SLC45A3: variants seen among roughly 807,000 people sequenced by gnomAD.
SLC45A3 encodes the protein prostate cancer associated protein 2.
SLC45A3 carries 17 observed loss-of-function variants against 35.3 expected under a neutral mutation model. The observed-to-expected ratio is 0.48, with a 90% confidence interval of 0.33 to 0.72. The LOEUF (loss-of-function observed/expected upper bound fraction) is 0.72. Ranked by LOEUF, SLC45A3 falls within the 30% of genes least tolerant of loss-of-function variation. SLC45A3 has a pLI of 0.02. For synonymous variants in SLC45A3, 288 were observed against 334.3 expected (o/e 0.86, Z 1.51); for missense variants, 597 against 731.7 (o/e 0.82, Z 2.12).
chr1:205,659,054 A>G lies in SLC45A3; in HGVS notation c.*180T>C, dbSNP rs994813152. ...TAGAGACTGGGGAGAGAGGAGAGGG[A>G]CGCCCCAGCCCCCAGCTGTGCAGCT... is the stretch of plus-strand genomic sequence containing the variant. On this transcript the variant is annotated 3_prime_UTR_variant, in exon 5 of 5. Transcript: ENST00000367145. This position sits in a 1 kb window ranked among gnomAD's most constrained non-coding sequence, Gnocchi z 5.8. The G allele has an allele frequency of 3.7e-5, 24 of 643,794 alleles. No homozygotes were observed. The highest frequency in any genetic ancestry group is 6.0e-5 in the Admixed American group (2 of 33,218). The allele number at this position is 643,794 out of a possible 1,614,324, so 39.9% of individuals were successfully genotyped here.
Position 205,666,569 on chromosome 1 carries a change from G to A in SLC45A3, c.-230-1683C>T, listed in dbSNP as rs1162612252. 6.6e-6 allele frequency among the ~76,000 whole-genome samples: 1 copy of A among 152,180 alleles called. No individual in the cohort carries two copies. The highest frequency in any genetic ancestry group is 1.5e-5 in the Non-Finnish European group (1 of 68,034). The stretch of plus-strand genomic sequence containing the variant: ...TGTTCACTCCACCACCACCTTCAGG[G>A]GCTTTGCAGCTGGCAGATCATGAAG... On this transcript the variant is annotated intron_variant, in intron 1 of 4. Coordinates refer to ENST00000367145, the MANE Select transcript of SLC45A3 (RefSeq NM_033102.3). This position sits in a 1 kb window ranked among gnomAD's most constrained non-coding sequence, Gnocchi z 4.1.
At chr1:205,667,438 C>T (rs749203478) in intron 1 of SLC45A3, among the ~76,000 whole-genome samples, 3 of 151,890 alleles carry the variant, frequency 2.0e-5, no homozygotes, top group South Asian at 2.1e-4. Flanking sequence ...ACCTGGGAGG[C>T]GGAGGTTGCA....
Position 205,666,919 on chromosome 1 carries a change from C to T in SLC45A3, c.-230-2033G>A, listed in dbSNP as rs1022228033. The stretch of plus-strand genomic sequence containing the variant: ...GCGGCCAAAGGCTTCCAGCCCATTC[C>T]ACTCCCCACCCTTGTTCTGGGAGGG... On this transcript the variant is annotated intron_variant, in intron 1 of 4. Coordinates refer to ENST00000367145, the MANE Select transcript of SLC45A3 (RefSeq NM_033102.3). This position sits in a 1 kb window ranked among gnomAD's most constrained non-coding sequence, Gnocchi z 4.1. 6.6e-6 allele frequency among the ~76,000 whole-genome samples: 1 copy of T among 152,186 alleles called. No individual in the cohort carries two copies. Among genetic ancestry groups the T allele is most frequent in the Non-Finnish European group, 1.5e-5 (1 of 68,032 alleles).
Position 205,659,582 on chromosome 1 carries a change from T to C in SLC45A3, c.1314A>G (p.Gly438=). The change falls in exon 5 of 5, where the codon GGA becomes GGG. Residue 438 remains glycine, a synonymous_variant. Transcript: ENST00000367145. The surrounding 1 kb of genome is among the most constrained non-coding windows in gnomAD (Gnocchi z 5.8). Reference sequence around the variant, plus strand: ...CCACGTGTCCATTAGGGAAGGGAGCTCCAGGCTTAGGGCCTGGCAGGAAGC... The same window carrying C: ...CCACGTGTCCATTAGGGAAGGGAGCCCCAGGCTTAGGGCCTGGCAGGAAGC... ...MTSFLPGPKP[G]APFPNGHVGA... is the part of the protein sequence containing the mutation. 6.3e-7 allele frequency: 1 copy of C among 1,588,392 alleles called. No individual in the cohort carries two copies. The highest frequency in any genetic ancestry group is 8.6e-7 in the Non-Finnish European group (1 of 1,167,288).
rs531105236 is a variant in SLC45A3, at chr1:205,668,494, G to A, written c.-230-3608C>T. ...GCTTGCAAGTGACAGATCAGTGTTG[G>A]AACCCCGCCTCCTGCCCCAAGTCTG... On this transcript the variant is annotated intron_variant, in intron 1 of 4. Coordinates refer to ENST00000367145, the MANE Select transcript of SLC45A3 (RefSeq NM_033102.3). 3.9e-5 allele frequency among the ~76,000 whole-genome samples: 6 copies of A among 152,212 alleles called. No homozygotes were observed. The South Asian group carries it at 1.2e-3, about 32-fold the overall frequency.
chr1:205,666,388 G>T lies in SLC45A3; in HGVS notation c.-230-1502C>A, dbSNP rs1043182958. Among the ~76,000 whole-genome samples the T allele has an allele frequency of 6.6e-6, 1 of 152,172 alleles. No homozygotes were observed. The highest frequency in any genetic ancestry group is 1.5e-5 in the Non-Finnish European group (1 of 68,034). On this transcript the variant is annotated intron_variant, in intron 1 of 4. Transcript: ENST00000367145. The surrounding 1 kb of genome is among the most constrained non-coding windows in gnomAD (Gnocchi z 4.1). ...CCAGGCGTGGTAGTATGCACCTGTG[G>T]TCCCAGCTACTTAAGAGGCTGAGAT...
chr1:205,680,165 G>A (rs1183101020), intron 1 of SLC45A3, among the ~76,000 whole-genome samples: 1 of 151,632 alleles, frequency 6.6e-6, no homozygotes, highest in Non-Finnish European at 1.5e-5. Flanking sequence ...AGCTCAGCGG[G>A]GACCCGTGCA....
intron 1 of SLC45A3, among the ~76,000 whole-genome samples, chr1:205,673,104 C>T (rs2102409032): frequency 6.6e-6 from 1 of 152,310 alleles, no homozygotes; most frequent in Non-Finnish European, 1.5e-5. Context: ...AACACAGTGC[C>T]AAGGGTCAGC....
chr1:205,663,500 C>G lies in SLC45A3; in HGVS notation c.291G>C (p.Leu97=). 3 of 1,613,114 alleles carry G rather than the reference C, an allele frequency of 1.9e-6. No homozygotes were observed. The highest frequency in any genetic ancestry group is 2.2e-5 in the South Asian group (2 of 91,080). ...PFIWALSLGI[L]LSLFLIPRAG... ...CCCTTGGGATGAGAAAGAGGCTCAGCAGGATGCCCAAGGACAGTGCCCAGA... is the reference window on the plus strand; with the variant it reads ...CCCTTGGGATGAGAAAGAGGCTCAGGAGGATGCCCAAGGACAGTGCCCAGA... Residue 97 remains leucine, a synonymous_variant, in exon 3 of 5, where the codon CTG becomes CTC. Transcript: ENST00000367145.
Position 205,663,427 on chromosome 1 carries a change from GCTCCA to G in SLC45A3, c.359_363del (p.Leu120ProfsTer28), listed in dbSNP as rs747821251. On this transcript the variant is annotated frameshift_variant, in exon 3 of 5. Transcript: ENST00000367145. LOFTEE classifies it high-confidence loss of function. ...CCCACGCCCAGGATGAGCAGTGCCAGCTCCAGGGGCCTGGGATCCGGGCACAGCAG... is the reference window on the plus strand; with the variant it reads ...CCCACGCCCAGGATGAGCAGTGCCAGGGGGCCTGGGATCCGGGCACAGCAG... 4.3e-6 allele frequency: 7 copies of G among 1,612,754 alleles called. No individual in the cohort carries two copies. Among genetic ancestry groups the G allele is most frequent in the African/African-American group, 1.3e-5 (1 of 74,936 alleles).
intron 1 of SLC45A3, among the ~76,000 whole-genome samples, chr1:205,672,215 C>G (rs55915134): frequency 0.1 from 15,422 of 152,122 alleles, 856 homozygotes; most frequent in African/African-American, 0.12. Flanking sequence ...CATTCCCCCC[C>G]CTCACCCACG....
In SLC45A3 at chr1:205,664,419, A is replaced by T; in HGVS notation, c.172+66T>A. 2 of 1,582,928 alleles carry T rather than the reference A, an allele frequency of 1.3e-6. No individual in the cohort carries two copies. Among genetic ancestry groups the T allele is most frequent in the Admixed American group, 1.7e-5 (1 of 58,816 alleles). The stretch of plus-strand genomic sequence containing the variant: ...TCCAAGCAGCTCCCAGGGCAGAGGT[A>T]CTCCTGTCCCACATGCCAGGTGGCA... On this transcript the variant is annotated intron_variant, in intron 2 of 4. Transcript: ENST00000367145. This position sits in a 1 kb window ranked among gnomAD's most constrained non-coding sequence, Gnocchi z 5.3.
At chr1:205,673,930 C>A (rs1411491624) in intron 1 of SLC45A3, among the ~76,000 whole-genome samples, 1 of 152,208 alleles carries the variant, frequency 6.6e-6, no homozygotes, top group African/African-American at 2.4e-5. Context: ...ACCCACCTAC[C>A]CACACCCAAC....
chr1:205,662,780 C>T lies in SLC45A3; in HGVS notation c.958+53G>A. The T allele has an allele frequency of 1.9e-5, 29 of 1,512,964 alleles. No individual in the cohort carries two copies. Among genetic ancestry groups the T allele is most frequent in the Non-Finnish European group, 2.4e-5 (27 of 1,130,088 alleles). The allele number at this position is 1,512,964 out of a possible 1,614,324, so 93.7% of individuals were successfully genotyped here. The stretch of plus-strand genomic sequence containing the variant: ...CCAGCCCAGACACAGCCCCGAGTGT[C>T]GTCTCTGGTGGGCGGCTCCCACACC... On this transcript the variant is annotated intron_variant, in intron 3 of 4. Coordinates refer to ENST00000367145, the MANE Select transcript of SLC45A3 (RefSeq NM_033102.3). This position sits in a 1 kb window ranked among gnomAD's most constrained non-coding sequence, Gnocchi z 6.2.
Position 205,661,959 on chromosome 1 carries a change from C to A in SLC45A3, c.1126G>T (p.Ala376Ser), listed in dbSNP as rs767817488. The A allele has an allele frequency of 6.2e-7, 1 of 1,614,198 alleles. No individual in the cohort carries two copies. Among genetic ancestry groups the A allele is most frequent in the East Asian group, 2.2e-5 (1 of 44,886 alleles). Residue 376 changes from alanine (A) to serine (S), a missense_variant, in exon 4 of 5, where the codon GCC becomes TCC. Around this residue, in one of 3 missense-constraint regions of SLC45A3, gnomAD observed 555 missense variants for 664.9 expected, o/e 0.83. Coordinates refer to ENST00000367145, the MANE Select transcript of SLC45A3 (RefSeq NM_033102.3). ...AGGGCGGCTGAAGCTGTCACCACGG[C>A]CACACTGTGGGACAGGCATGTGGCA... ...AGATCLSHSV[A>S]VVTASAALTG... is the part of the protein sequence containing the mutation.
chr1:205,675,539 C>T (rs951861130), intron 1 of SLC45A3, among the ~76,000 whole-genome samples: 1 of 152,140 alleles, frequency 6.6e-6, no homozygotes, highest in African/African-American at 2.4e-5. Context: ...TCACTCCCAC[C>T]CCTCCTTTTG....
At position 205,663,088 on chromosome 1, in the gene SLC45A3, G is replaced by C. The variant is rs1268868990; in HGVS notation, c.703C>G (p.Pro235Ala). 2 of 1,603,678 alleles carry C rather than the reference G, an allele frequency of 1.2e-6. No homozygotes were observed. The highest frequency in any genetic ancestry group is 2.7e-5 in the African/African-American group (2 of 74,752). Reference sequence around the variant, plus strand: ...GGACAGCAGTGGGGCGACAAGGAGGGGGCCGACAGCCCTTCTGCTGGCTCG... The same window carrying C: ...GGACAGCAGTGGGGCGACAAGGAGGCGGCCGACAGCCCTTCTGCTGGCTCG... ...PTEPAEGLSAPSLSPHCCPCR... is the reference protein window; with the variant it reads ...PTEPAEGLSAASLSPHCCPCR... Residue 235 changes from proline (P) to alanine (A), a missense_variant, in exon 3 of 5, where the codon CCC becomes GCC. Coordinates refer to ENST00000367145, the MANE Select transcript of SLC45A3 (RefSeq NM_033102.3).
chr1:205,661,195 G>A (rs1671015919), intron 4 of SLC45A3, among the ~76,000 whole-genome samples: 1 of 152,182 alleles, frequency 6.6e-6, no homozygotes, highest in African/African-American at 2.4e-5. Context: ...GGGCTGGTTA[G>A]TGTAGGGCCA....
intron 1 of SLC45A3, among the ~76,000 whole-genome samples, chr1:205,679,919 T>A (rs1347356250): frequency 6.6e-6 from 1 of 151,954 alleles, no homozygotes; most frequent in East Asian, 1.9e-4. Context: ...CAGTGACTCA[T>A]CCTGCCCCTT....
Sources: gnomAD v4.1 joint callset for allele counts (sites outside exome capture counted in the v4.1 genomes callset) on GRCh38, gnomAD v4.1.1 for gene constraint, gnomAD v4.1.1 regional missense constraint, Gnocchi (gnomAD v3.1) non-coding constraint, MANE v1.5 for transcripts, NCBI Gene and HGNC (gene_info 2026-07-23, HGNC 2026-07-21) for gene names.